Variants in TRIM54 observed in about 807,000 individuals in gnomAD.
TRIM54 encodes the protein tripartite motif containing 54, also known as tripartite motif-containing protein 54.
Under a neutral mutation model 42.0 loss-of-function variants are expected in TRIM54, and 40 were observed. That is an observed-to-expected ratio of 0.95 (90% CI 0.74 to 1.24). The LOEUF (loss-of-function observed/expected upper bound fraction) is 1.24. Among genes scored for constraint, TRIM54 ranks in the 50% most tolerant of loss-of-function variants. The pLI, the probability that TRIM54 is intolerant of heterozygous loss-of-function variation, is 0.00. For missense variants in TRIM54, 485 were observed against 480.3 expected (o/e 1.01, Z -0.09); for synonymous variants, 199 against 194.9 (o/e 1.02, Z -0.17).
rs117434485 is a variant in TRIM54 at position 27,298,361 on chromosome 2, G to A, written c.169-206G>A. 6.0e-3 allele frequency among the ~76,000 whole-genome samples: 919 copies of A among 152,254 alleles called. 5 individuals are homozygous for A. The highest frequency in any genetic ancestry group is 0.02 in the East Asian group (105 of 5,178). ...GCAGGGGCACTCTAGGAGGTGGGCT[G>A]AATAATGAGGCAAAGGTGGGAAGCA... On this transcript the variant is annotated intron_variant, in intron 1 of 8. Transcript: ENST00000380075.
Position 27,306,549 on chromosome 2 carries a change from G to A in TRIM54, c.*1+7G>A. On this transcript the variant is annotated splice_region_variant and intron_variant, in intron 8 of 8. Coordinates refer to ENST00000380075, the MANE Select transcript of TRIM54 (RefSeq NM_187841.3). The surrounding 1 kb of genome is among the most constrained non-coding windows in gnomAD (Gnocchi z 6.1). ...CGGCCGGATGGGCCTTAAGGTGAGA[G>A]CCGCCCGATGGGCCTTAAGGTGAGA... The A allele has an allele frequency of 1.3e-6, 2 of 1,539,562 alleles. No individual in the cohort carries two copies. Among genetic ancestry groups the A allele is most frequent in the South Asian group, 2.4e-5 (2 of 81,778 alleles).
chr2:27,305,302 A>G (rs564302798), intron 4 of TRIM54: 31 of 588,056 alleles, frequency 5.3e-5, no homozygotes, highest in African/African-American at 4.5e-4. Flanking sequence ...AGTGATGATG[A>G]TAATGATACA....
chr2:27,291,435 T>C (rs1401139691), intron 1 of TRIM54, among the ~76,000 whole-genome samples: 1 of 151,318 alleles, frequency 6.6e-6, no homozygotes, highest in Non-Finnish European at 1.5e-5. Flanking sequence ...ATGTAATCCA[T>C]GAAAAATTGT....
At chr2:27,285,579 T>C (rs543091757) in intron 1 of TRIM54, among the ~76,000 whole-genome samples, 1 of 152,224 alleles carries the variant, frequency 6.6e-6, no homozygotes, top group Non-Finnish European at 1.5e-5. Context: ...TTACCAACTT[T>C]CTTGGGAATA....
chr2:27,286,698 G>A (rs1341758880), intron 1 of TRIM54, among the ~76,000 whole-genome samples: 1 of 152,246 alleles, frequency 6.6e-6, no homozygotes, highest in Non-Finnish European at 1.5e-5. Flanking sequence ...TTCTGGAACA[G>A]CTTTTCTGGA....
intron 5 of TRIM54, 78 bp downstream of exon 5, chr2:27,305,895 T>G: frequency 1.4e-6 from 2 of 1,393,962 alleles, no homozygotes; most frequent in Non-Finnish European, 2.0e-6. Flanking sequence ...CGGGTTCAAG[T>G]CTTGTCTCTT....
intron 1 of TRIM54, among the ~76,000 whole-genome samples, chr2:27,284,714 C>T (rs1558581459): frequency 6.6e-6 from 1 of 152,144 alleles, no homozygotes; most frequent in Admixed American, 6.6e-5. Context: ...GCCATCCTTT[C>T]TCATGAACTT....
At chr2:27,293,953 G>A (rs1360810685) in intron 1 of TRIM54, among the ~76,000 whole-genome samples, 3 of 152,008 alleles carry the variant, frequency 2.0e-5, no homozygotes, top group Non-Finnish European at 2.9e-5. Flanking sequence ...AACCCGGGAG[G>A]TGGAGGTGGC....
In TRIM54 at chr2:27,302,957, C is replaced by T. The variant is rs149846171; in HGVS notation, c.514-2002C>T. 2.9e-4 allele frequency among the ~76,000 whole-genome samples: 44 copies of T among 152,138 alleles called. No individual in the cohort carries two copies. The East Asian group carries it at 7.1e-3, about 25-fold the overall frequency. On this transcript the variant is annotated intron_variant, in intron 3 of 8. Transcript: ENST00000380075. The stretch of plus-strand genomic sequence containing the variant: ...TGAAAGTAGCTATAAGGATAAAATT[C>T]GATAATGGATGAAAGCAGAGACTTC...
intron 1 of TRIM54, among the ~76,000 whole-genome samples, chr2:27,285,904 C>A (rs1482165564): frequency 6.6e-6 from 1 of 151,950 alleles, no homozygotes; most frequent in African/African-American, 2.4e-5. Context: ...GTTAACTAGA[C>A]AGCCAGGAAG....
intron 3 of TRIM54, among the ~76,000 whole-genome samples, chr2:27,303,544 C>T (rs1435318194): frequency 2.7e-5 from 4 of 150,032 alleles, no homozygotes; most frequent in African/African-American, 9.9e-5. Flanking sequence ...GGAGAGACTC[C>T]GTCTAAAAAA....
chr2:27,286,605 T>C (rs990558357), intron 1 of TRIM54, among the ~76,000 whole-genome samples: 17 of 152,208 alleles, frequency 1.1e-4, no homozygotes, highest in African/African-American at 4.1e-4. Flanking sequence ...TATACCTGCC[T>C]CCACTTCACT....
At chr2:27,286,737 A>AG (rs1176869408) in intron 1 of TRIM54, among the ~76,000 whole-genome samples, 1 of 152,202 alleles carries the variant, frequency 6.6e-6, no homozygotes, top group Admixed American at 6.5e-5. Flanking sequence ...GGACTTGCAG[A>AG]GGGGGGATTG....
intron 3 of TRIM54, 63 bp from the exon 4 acceptor site, chr2:27,304,895 TG>T: frequency 6.7e-7 from 1 of 1,481,834 alleles, no homozygotes; most frequent in Non-Finnish European, 9.3e-7. Context: ...CAACCCTGGC[TG>T]GGGTGAGGGG....
intron 1 of TRIM54, among the ~76,000 whole-genome samples, chr2:27,286,438 T>C (rs187032732): frequency 9.8e-4 from 150 of 152,290 alleles, no homozygotes; most frequent in Non-Finnish European, 1.2e-3. Context: ...TCTTCCTCCT[T>C]CTTTCCCCAC....
At position 27,299,241 on chromosome 2, in the gene TRIM54, C is replaced by T. The variant is rs754059567; in HGVS notation, c.342-4C>T. 108 of 1,613,616 alleles carry T rather than the reference C, an allele frequency of 6.7e-5. No individual in the cohort carries two copies. The highest frequency in any genetic ancestry group is 7.5e-5 in the Non-Finnish European group (88 of 1,180,040). On this transcript the variant is annotated splice_polypyrimidine_tract_variant and splice_region_variant and intron_variant, in intron 2 of 8. Transcript: ENST00000380075. The stretch of plus-strand genomic sequence containing the variant: ...TCCACCTCCCCCTGCCCACTCCTCT[C>T]TAGGCCGCTGCACTCCAAGGCTGAG...
chr2:27,298,565 A>G lies in TRIM54; in HGVS notation c.169-2A>G, dbSNP rs1678934032. On this transcript the variant is annotated splice_acceptor_variant, in intron 1 of 8. Coordinates refer to ENST00000380075, the MANE Select transcript of TRIM54 (RefSeq NM_187841.3). LOFTEE classifies it high-confidence loss of function. ...GTTCTCTCAAGCCATCTGTCCCTGC[A>G]GGCCTCGAATCCTCTATGGCAGTCC... 1.2e-6 allele frequency: 2 copies of G among 1,612,350 alleles called. No individual in the cohort carries two copies. Among genetic ancestry groups the G allele is most frequent in the African/African-American group, 2.7e-5 (2 of 74,864 alleles).
chr2:27,306,886 G>T lies in TRIM54; in HGVS notation c.*2-1G>T. On this transcript the variant is annotated splice_acceptor_variant, in intron 8 of 8. Transcript: ENST00000380075. LOFTEE classifies it low-confidence loss of function (3UTR_SPLICE). The surrounding 1 kb of genome is among the most constrained non-coding windows in gnomAD (Gnocchi z 6.1). ...CACCGAGCCTTCTTTCCCGGGCACA[G>T]GCCTGCGCCGACCCGACCCTGCTCG... The T allele has an allele frequency of 2.5e-6, 1 of 394,558 alleles. No homozygotes were observed. The highest frequency in any genetic ancestry group is 2.1e-5 in the African/African-American group (1 of 48,444). 24.4% of individuals were successfully genotyped at this position (394,558 alleles called of 1,614,324 possible). A position where few individuals can be genotyped will look rare whatever the true frequency, so the allele number is the denominator to read the frequency against.
At chr2:27,305,882 TC>T in intron 5 of TRIM54, 65 bp downstream of exon 5, 1 of 1,433,148 alleles carries the variant, frequency 7.0e-7, no homozygotes, top group Admixed American at 2.0e-5. Flanking sequence ...GTACCTGGAG[TC>T]CCGGGTTCAA....
Sources: gnomAD v4.1 joint callset for allele counts (sites outside exome capture counted in the v4.1 genomes callset) on GRCh38, gnomAD v4.1.1 for gene constraint, Gnocchi (gnomAD v3.1) non-coding constraint, MANE v1.5 for transcripts, NCBI Gene and HGNC (gene_info 2026-07-23, HGNC 2026-07-21) for gene names.